The following CNTLN variants were observed in gnomAD, a reference collection of about 807,000 sequenced individuals.
CNTLN encodes centlein, centrosomal protein.
A neutral mutation model predicts 180.0 loss-of-function variants in CNTLN; 212 were observed. The ratio of observed to expected loss-of-function variants is 1.18; its 90% CI spans 1.05 to 1.32. The LOEUF is 1.32. Ranked by LOEUF, CNTLN falls within the 40% of genes most tolerant of loss-of-function variation. The pLI is 0.00. For synonymous variants in CNTLN, 722 were observed against 563.1 expected (o/e 1.28, Z -3.99); for missense variants, 2,095 against 1,610.9 (o/e 1.30, Z -5.14).
At chr9:17,412,777 T>C (rs374775193) in intron 16 of CNTLN, among the ~76,000 whole-genome samples, 6 of 152,164 alleles carry the variant, frequency 3.9e-5, no homozygotes, top group African/African-American at 7.2e-5. Context: ...TGGATACCCA[T>C]TGTATGTCAG....
intron 8 of CNTLN, among the ~76,000 whole-genome samples, chr9:17,324,104 A>C (rs1047798820): frequency 2.0e-5 from 3 of 152,228 alleles, no homozygotes; most frequent in Non-Finnish European, 2.9e-5. Flanking sequence ...TAACAAGCAT[A>C]GTCCCTTGCT....
At chr9:17,299,787 C>CT in intron 7 of CNTLN, 1 of 984,262 alleles carries the variant, frequency 1.0e-6, no homozygotes, top group Non-Finnish European at 1.2e-6. Flanking sequence ...ATTGTTTTCT[C>CT]TTTTTCCCCC....
intron 18 of CNTLN, among the ~76,000 whole-genome samples, chr9:17,456,609 C>A (rs1293499998): frequency 6.6e-6 from 1 of 152,074 alleles, no homozygotes; most frequent in Non-Finnish European, 1.5e-5. Context: ...ACATCTTTTG[C>A]TATTTCTAAT....
At chr9:17,334,109 G>T (rs150695107) in intron 10 of CNTLN, among the ~76,000 whole-genome samples, 1,551 of 152,138 alleles carry the variant, frequency 0.01, 29 homozygotes, top group African/African-American at 0.036. Flanking sequence ...GCCTAGGCTA[G>T]AGTGCAGTGG....
chr9:17,451,154 C>G lies in CNTLN; in HGVS notation c.3115-6370C>G, dbSNP rs187670104. On this transcript the variant is annotated intron_variant, in intron 18 of 25. Transcript: ENST00000380647. ...TATTCTCAATAAAAGAACGTTGATT[C>G]TATTCACAGGAGGGAGAATATCATT... 2.6e-3 allele frequency among the ~76,000 whole-genome samples: 389 copies of G among 152,160 alleles called. 1 individual carries two copies. The highest frequency in any genetic ancestry group is 8.7e-3 in the African/African-American group (363 of 41,532).
At position 17,394,653 on chromosome 9, in the gene CNTLN, A is replaced by G. The variant is rs1341551114; in HGVS notation, c.2199A>G (p.Gln733=). ...DFLKSLLKQQ[Q]EDTETREKEL... ...TGAAATCCCTCTTAAAACAGCAACA[A>G]GAAGATACAGAGACCAGAGAAAAAG... The change falls in exon 15 of 26, where the codon CAA becomes CAG. Residue 733 remains glutamine (Q), a synonymous_variant. Coordinates refer to ENST00000380647, the MANE Select transcript of CNTLN (RefSeq NM_017738.4). 3.1e-6 allele frequency: 5 copies of G among 1,612,074 alleles called. No homozygotes were observed. Among genetic ancestry groups the G allele is most frequent in the Non-Finnish European group, 4.2e-6 (5 of 1,179,278 alleles).
chr9:17,164,311 CAAAA>C (rs774854028), intron 2 of CNTLN, among the ~76,000 whole-genome samples: 1 of 51,780 alleles, frequency 1.9e-5, no homozygotes, highest in Non-Finnish European at 3.9e-5. Flanking sequence ...GACTCTGTCT[CAAAA>C]AAAAAAAAAA....
chr9:17,243,873 T>C, intron 5 of CNTLN, among the ~76,000 whole-genome samples: 1 of 152,188 alleles, frequency 6.6e-6, no homozygotes, highest in Non-Finnish European at 1.5e-5. Context: ...TGATTTTTGG[T>C]CTGGATTACC....
intron 18 of CNTLN, among the ~76,000 whole-genome samples, chr9:17,418,623 A>C (rs1167640384): frequency 6.6e-6 from 1 of 151,684 alleles, no homozygotes; most frequent in East Asian, 2.0e-4. Flanking sequence ...GAATTCCTAT[A>C]TGCTCGGTAA....
intron 5 of CNTLN, among the ~76,000 whole-genome samples, chr9:17,250,645 T>A (rs919351030): frequency 2.6e-5 from 4 of 152,090 alleles, no homozygotes; most frequent in Non-Finnish European, 5.9e-5. Flanking sequence ...ATCCATTTTA[T>A]GTTATTGTTG....
chr9:17,287,162 T>C (rs1185983818), intron 6 of CNTLN, among the ~76,000 whole-genome samples: 1 of 147,600 alleles, frequency 6.8e-6, no homozygotes, highest in African/African-American at 2.6e-5. Flanking sequence ...ATAGCTCTTA[T>C]TATTTTGAAA....
At chr9:17,260,123 A>AT (rs1299206976) in intron 5 of CNTLN, among the ~76,000 whole-genome samples, 1 of 146,566 alleles carries the variant, frequency 6.8e-6, no homozygotes, top group Non-Finnish European at 1.5e-5. Context: ...AGTGCTATAA[A>AT]TTTCCCTCTA....
At chr9:17,528,001 C>T in the CNTLN span, among the ~76,000 whole-genome samples, 2 of 151,928 alleles carry the variant, frequency 1.3e-5, no homozygotes, top group Non-Finnish European at 2.9e-5. Context: ...TCCATACTGA[C>T]ACAAATAATA....
At chr9:17,170,590 G>T (rs970061018) in intron 2 of CNTLN, among the ~76,000 whole-genome samples, 3 of 151,968 alleles carry the variant, frequency 2.0e-5, no homozygotes, top group Non-Finnish European at 4.4e-5. Flanking sequence ...TAAATCTGAT[G>T]TTGACACTAT....
intron 10 of CNTLN, among the ~76,000 whole-genome samples, chr9:17,338,337 G>GTTTTTTTTTTTTTTTTTTTT (rs71331486): frequency 1.0e-5 from 1 of 100,440 alleles, no homozygotes; most frequent in Non-Finnish European, 1.8e-5. Flanking sequence ...GCTAATTTTT[G>GTTTTTTTTTTTTTTTTTTTT]TTTTTTTTTT....
intron 3 of CNTLN, among the ~76,000 whole-genome samples, chr9:17,235,186 T>G (rs1825063407): frequency 6.6e-6 from 1 of 152,208 alleles, no homozygotes; most frequent in African/African-American, 2.4e-5. Context: ...ATATTCTGTC[T>G]ACAGAGCAAG....
chr9:17,335,875 G>C (rs1269828226), intron 10 of CNTLN, among the ~76,000 whole-genome samples: 1 of 151,380 alleles, frequency 6.6e-6, no homozygotes, highest in Non-Finnish European at 1.5e-5. Context: ...CCAGGAGGCA[G>C]AGGTTGCAGC....
chr9:17,257,456 T>C (rs1319110967), intron 5 of CNTLN, among the ~76,000 whole-genome samples: 5 of 152,060 alleles, frequency 3.3e-5, no homozygotes, highest in Non-Finnish European at 1.5e-5. Context: ...TGTGTCTTTA[T>C]AGCAGCATGA....
Position 17,394,541 on chromosome 9 carries a change from A to T in CNTLN, c.2087A>T (p.Glu696Val). ...MLEQTLQKVT[E>V]LENRLKSFEK... ...ATAAACTCTTTCCTTTAGGTCACTG[A>T]GTTGGAAAATCGGCTGAAATCTTTT... Residue 696 changes from glutamate (E) to valine (V), a missense_variant, in exon 15 of 26, where the codon GAG (glutamate) becomes GTG (valine). Physicochemically the swap from Glu to Val is moderately radical, Grantham distance 121. Transcript: ENST00000380647. The T allele has an allele frequency of 6.4e-7, 1 of 1,564,154 alleles. No individual in the cohort carries two copies. The highest frequency in any genetic ancestry group is 8.6e-7 in the Non-Finnish European group (1 of 1,156,398).
Sources: allele counts gnomAD v4.1 joint callset (sites outside exome capture counted in the v4.1 genomes callset), GRCh38; gene constraint gnomAD v4.1.1; transcripts MANE v1.5; gene names NCBI Gene and HGNC (gene_info 2026-07-23, HGNC 2026-07-21).